Variants in IMMP2L observed in about 807,000 individuals in gnomAD.
IMMP2L encodes the protein inner mitochondrial membrane peptidase subunit 2.
In IMMP2L, 18 loss-of-function variants were observed where a neutral mutation model predicts 19.3. That is an observed-to-expected ratio of 0.93 (90% CI 0.64 to 1.38). The LOEUF is 1.38. Ranked by LOEUF, IMMP2L falls within the 40% of genes most tolerant of loss-of-function variation. The probability of loss-of-function intolerance (pLI) is 0.00; values close to 1 mark genes in which losing one functional copy is unlikely to be tolerated. For missense variants in IMMP2L, 233 were observed against 218.2 expected, an observed-to-expected ratio of 1.07 and a Z score of -0.43; for synonymous variants, 76 against 73.0, an observed-to-expected ratio of 1.04 and a Z score of -0.21.
At chr7:110,941,636 T>A (rs2129553054) in intron 4 of IMMP2L, among the ~76,000 whole-genome samples, 1 of 152,332 alleles carries the variant, frequency 6.6e-6, no homozygotes. Context: ...AATCTGGTTT[T>A]ATTTACTGCA....
At chr7:111,407,121 A>G (rs2131469260) in intron 3 of IMMP2L, among the ~76,000 whole-genome samples, 1 of 152,174 alleles carries the variant, frequency 6.6e-6, no homozygotes, top group South Asian at 2.1e-4. Flanking sequence ...TACACACACT[A>G]GGATAGCTAA....
chr7:111,276,640 C>CA (rs1562997852), intron 3 of IMMP2L, among the ~76,000 whole-genome samples: 10,905 of 105,750 alleles, frequency 0.1, 528 homozygotes, highest in South Asian at 0.14. Flanking sequence ...CATGTGGAAC[C>CA]GAAAAAAAAA....
At chr7:110,787,497 G>A (rs1239655500) in intron 5 of IMMP2L, among the ~76,000 whole-genome samples, 1 of 151,816 alleles carries the variant, frequency 6.6e-6, no homozygotes, top group African/African-American at 2.4e-5. Context: ...AGTTGCCAAG[G>A]ACAATCTTGG....
chr7:111,559,214 T>C lies in IMMP2L; in HGVS notation c.-3+2637A>G, dbSNP rs550793282. Among the ~76,000 whole-genome samples the C allele has an allele frequency of 1.9e-3, 282 of 152,192 alleles. 1 individual carries two copies. The highest frequency in any genetic ancestry group is 3.0e-3 in the African/African-American group (123 of 41,478). On this transcript the variant is annotated intron_variant, in intron 1 of 5. Coordinates refer to ENST00000405709, the MANE Select transcript of IMMP2L (RefSeq NM_032549.4). Reference sequence around the variant, plus strand: ...ACCAGATGTCTGGTGTGAAATCAGATGTCTGTGAACTTGTCTTTCTCAGTT... The same window carrying C: ...ACCAGATGTCTGGTGTGAAATCAGACGTCTGTGAACTTGTCTTTCTCAGTT...
intron 4 of IMMP2L, among the ~76,000 whole-genome samples, chr7:110,939,138 C>G (rs777916012): frequency 5.9e-5 from 9 of 151,986 alleles, no homozygotes; most frequent in Non-Finnish European, 1.3e-4. Context: ...ATGAGAGTTA[C>G]CTGGAGAGTT....
intron 3 of IMMP2L, among the ~76,000 whole-genome samples, chr7:111,101,860 C>A (rs1798016858): frequency 6.6e-6 from 1 of 151,372 alleles, no homozygotes; most frequent in Non-Finnish European, 1.5e-5. Flanking sequence ...GTATACCATC[C>A]ACAGTCATTT....
chr7:110,718,999 C>T (rs1056479701), intron 5 of IMMP2L, among the ~76,000 whole-genome samples: 2 of 152,160 alleles, frequency 1.3e-5, no homozygotes, highest in Admixed American at 6.5e-5. Flanking sequence ...ATGCATGTAA[C>T]CCCCTCCAAC....
At chr7:111,061,654 C>G (rs1160309081) in intron 3 of IMMP2L, among the ~76,000 whole-genome samples, 2 of 152,154 alleles carry the variant, frequency 1.3e-5, no homozygotes, top group Non-Finnish European at 2.9e-5. Flanking sequence ...AGGCTCAGGT[C>G]TTCGACTGCT....
Position 111,213,835 on chromosome 7 carries a change from C to T in IMMP2L, c.240-250270G>A, listed in dbSNP as rs749434930. Among the ~76,000 whole-genome samples, 5 of 152,102 alleles carry T rather than the reference C, an allele frequency of 3.3e-5. No individual in the cohort carries two copies. Among genetic ancestry groups the T allele is most frequent in the African/African-American group, 7.2e-5 (3 of 41,422 alleles). On this transcript the variant is annotated intron_variant, in intron 3 of 5. Transcript: ENST00000405709. This position sits in a 1 kb window ranked among gnomAD's most constrained non-coding sequence, Gnocchi z 4.8. ...GAGAGCTATCCAACGTGGGTCTCCTCGGAGCTGTTCTGTTGCTCAATAAAG... is the reference window on the plus strand; with the variant it reads ...GAGAGCTATCCAACGTGGGTCTCCTTGGAGCTGTTCTGTTGCTCAATAAAG...
chr7:111,504,834 A>C (rs1372462242), intron 2 of IMMP2L, among the ~76,000 whole-genome samples: 1 of 152,128 alleles, frequency 6.6e-6, no homozygotes, highest in Admixed American at 6.5e-5. Flanking sequence ...AGATGGATTA[A>C]AGACTTACAT....
intron 1 of IMMP2L, among the ~76,000 whole-genome samples, chr7:111,547,344 C>T (rs1385682924): frequency 1.3e-5 from 2 of 152,086 alleles, no homozygotes; most frequent in African/African-American, 2.4e-5. Context: ...AACAACCAGA[C>T]AATCAGACCA....
rs1586638299 is a variant in IMMP2L, at chr7:111,162,506, G to A, written c.240-198941C>T. Among the ~76,000 whole-genome samples the A allele has an allele frequency of 2.6e-5, 4 of 152,034 alleles. No homozygotes were observed. The South Asian group carries it at 6.2e-4, about 24-fold the overall frequency. ...AAAATATATACTACAGTCATCAAATGTAGTCACCTACTCAGTTCAGGGAGG... is the reference window on the plus strand; with the variant it reads ...AAAATATATACTACAGTCATCAAATATAGTCACCTACTCAGTTCAGGGAGG... On this transcript the variant is annotated intron_variant, in intron 3 of 5. Transcript: ENST00000405709.
chr7:111,403,316 C>T (rs1490657418), intron 3 of IMMP2L, among the ~76,000 whole-genome samples: 1 of 151,874 alleles, frequency 6.6e-6, no homozygotes, highest in Admixed American at 6.6e-5. Context: ...TGCCTTCCAC[C>T]ATGATTGTAA....
chr7:111,275,344 T>A (rs1353700119), intron 3 of IMMP2L, among the ~76,000 whole-genome samples: 1 of 152,142 alleles, frequency 6.6e-6, no homozygotes, highest in Non-Finnish European at 1.5e-5. Context: ...GAGAATTAGC[T>A]TGTTAAAAAG....
chr7:111,477,841 T>C (rs1841846338), intron 3 of IMMP2L, among the ~76,000 whole-genome samples: 1 of 152,090 alleles, frequency 6.6e-6, no homozygotes, highest in Non-Finnish European at 1.5e-5. Context: ...GAGGTTGTGG[T>C]GAGCCAAGAT....
intron 1 of IMMP2L, among the ~76,000 whole-genome samples, chr7:111,560,791 A>C (rs1244610729): frequency 6.6e-6 from 1 of 152,232 alleles, no homozygotes; most frequent in Non-Finnish European, 1.5e-5. Flanking sequence ...AGAATTAGCT[A>C]TTGAATCAAT....
intron 3 of IMMP2L, among the ~76,000 whole-genome samples, chr7:111,393,848 A>G (rs1230534546): frequency 6.6e-6 from 1 of 152,192 alleles, no homozygotes; most frequent in East Asian, 1.9e-4. Flanking sequence ...CTCTGCTCAC[A>G]TAAGTGGGTT....
chr7:110,771,600 G>C (rs1799041526), intron 5 of IMMP2L, among the ~76,000 whole-genome samples: 1 of 152,110 alleles, frequency 6.6e-6, no homozygotes, highest in Non-Finnish European at 1.5e-5. Context: ...TGGCCATGAA[G>C]CTTACATGAG....
chr7:111,333,594 G>C (rs1302046877), intron 3 of IMMP2L, among the ~76,000 whole-genome samples: 1 of 152,048 alleles, frequency 6.6e-6, no homozygotes, highest in African/African-American at 2.4e-5. Flanking sequence ...GTGTCTGTGA[G>C]GGTGCTACCA....
Sources: allele counts gnomAD v4.1 joint callset (sites outside exome capture counted in the v4.1 genomes callset), GRCh38; gene constraint gnomAD v4.1.1; non-coding constraint Gnocchi (gnomAD v3.1); transcripts MANE v1.5; gene names NCBI Gene and HGNC (gene_info 2026-07-23, HGNC 2026-07-21).